The following FN3KRP variants were observed in gnomAD, a reference collection of about 807,000 sequenced individuals.
FN3KRP encodes the protein ketosamine-3-kinase.
Under a neutral mutation model 29.8 loss-of-function variants are expected in FN3KRP, and 33 were observed. That is an observed-to-expected ratio of 1.11 (90% CI 0.84 to 1.48). FN3KRP has a LOEUF of 1.48. Ranked by LOEUF, FN3KRP falls within the 40% of genes most tolerant of loss-of-function variation. The pLI is 0.00. For missense variants in FN3KRP, 430 were observed against 402.6 expected, an observed-to-expected ratio of 1.07 and a Z score of -0.58; for synonymous variants, 157 against 155.2, an observed-to-expected ratio of 1.01 and a Z score of -0.09.
rs981340698 is a variant in FN3KRP, at chr17:82,727,221, T to A, written c.*50T>A. The A allele has an allele frequency of 1.3e-6, 2 of 1,515,194 alleles. No homozygotes were observed. Among genetic ancestry groups the A allele is most frequent in the Non-Finnish European group, 1.8e-6 (2 of 1,112,804 alleles). 93.9% of individuals were successfully genotyped at this position (1,515,194 alleles called of 1,614,324 possible). The stretch of plus-strand genomic sequence containing the variant: ...CTCAGAGGTTTCTCCACAGTCCTCT[T>A]CTGGGCAAATTCTTGTTTCTTCACA... On this transcript the variant is annotated 3_prime_UTR_variant, in exon 6 of 6. Coordinates refer to ENST00000269373, the MANE Select transcript of FN3KRP (RefSeq NM_024619.4).
At chr17:82,720,169 AAAAT>A (rs1598332931) in intron 2 of FN3KRP, 99 bp from the exon 3 acceptor site, 2 of 886,654 alleles carry the variant, frequency 2.3e-6, no homozygotes, top group East Asian at 5.5e-5. Context: ...CCATCTCAAA[AAAAT>A]AAAAAAGTTT....
chr17:82,719,102 G>A, intron 2 of FN3KRP, 45 bp downstream of exon 2: 1 of 1,538,052 alleles, frequency 6.5e-7, no homozygotes, highest in Non-Finnish European at 8.9e-7. Flanking sequence ...TACCTGAGCA[G>A]GTGTGTCTTC....
rs1759813285 is a variant in FN3KRP at position 82,716,736 on chromosome 17, T to TCCGCGG, written c.-12_-7dup. ...GAGTCTCCGCCAGATCCGGGGCGGG[T>TCCGCGG]CCGCGGCCGCGGCGGGAACATGGAG... On this transcript the variant is annotated 5_prime_UTR_variant, in exon 1 of 6. Coordinates refer to ENST00000269373, the MANE Select transcript of FN3KRP (RefSeq NM_024619.4). The TCCGCGG allele has an allele frequency of 6.8e-7, 1 of 1,478,334 alleles. No homozygotes were observed. The highest frequency in any genetic ancestry group is 1.5e-5 in the African/African-American group (1 of 67,568). The allele number at this position is 1,478,334 out of a possible 1,614,324, so 91.6% of individuals were successfully genotyped here. A position where few individuals can be genotyped will look rare whatever the true frequency, so the allele number is the denominator to read the frequency against.
chr17:82,720,998 C>T (rs2046794610), intron 3 of FN3KRP: 1 of 152,292 alleles, frequency 6.6e-6, no homozygotes, highest in South Asian at 2.1e-4. Flanking sequence ...CCCAGGTCGC[C>T]TGTCCTGTCT....
rs747903966 is a variant in FN3KRP at position 82,718,993 on chromosome 17, C to T, written c.229C>T (p.Leu77=). Residue 77 remains leucine (L), a synonymous_variant, in exon 2 of 6, where the codon CTG becomes TTG. Transcript: ENST00000269373. ...GAAAGTGCCCAAGCCCATCAAGGTT[C>T]TGGATGCCCCAGGCGGCGGGAGCGT... The part of the protein sequence containing the change: ...TVKVPKPIKV[L]DAPGGGSVLV... 1.9e-6 allele frequency: 3 copies of T among 1,614,070 alleles called. No homozygotes were observed. The highest frequency in any genetic ancestry group is 1.7e-5 in the Admixed American group (1 of 59,996).
At chr17:82,721,693 A>G (rs1255508738) in intron 3 of FN3KRP, among the ~76,000 whole-genome samples, 5 of 151,134 alleles carry the variant, frequency 3.3e-5, no homozygotes, top group Admixed American at 2.0e-4. Flanking sequence ...TAGTAGAGAC[A>G]GGGTTTCACC....
intron 3 of FN3KRP, 103 bp from the exon 4 acceptor site, chr17:82,722,701 T>C: frequency 5.5e-6 from 6 of 1,081,312 alleles, no homozygotes; most frequent in Non-Finnish European, 8.3e-6. Context: ...GGGCATAAGC[T>C]GGTAGGAGCT....
intron 4 of FN3KRP, among the ~76,000 whole-genome samples, chr17:82,723,735 C>T (rs540150007): frequency 1.3e-5 from 2 of 151,858 alleles, no homozygotes; most frequent in East Asian, 3.9e-4. Context: ...GCGTCGTGTG[C>T]TACTCCAGTC....
Position 82,726,869 on chromosome 17 carries a change from A to T in FN3KRP, c.628A>T (p.Ile210Phe). 6.4e-7 allele frequency: 1 copy of T among 1,564,656 alleles called. No individual in the cohort carries two copies. The highest frequency in any genetic ancestry group is 1.7e-4 in the Middle Eastern group (1 of 5,794). ...TGACCTGTTCCGTGACCTGGAGATC[A>T]TCCCAGCCTTACTCCACGGGGACCT... ...IPDLFRDLEIIPALLHGDLWG... is the reference protein window; with the variant it reads ...IPDLFRDLEIFPALLHGDLWG... Residue 210 changes from isoleucine (I) to phenylalanine (F), a missense_variant, in exon 6 of 6, where the codon ATC becomes TTC. Coordinates refer to ENST00000269373, the MANE Select transcript of FN3KRP (RefSeq NM_024619.4).
intron 4 of FN3KRP, among the ~76,000 whole-genome samples, chr17:82,725,122 A>ATTTAGT (rs1399654468): frequency 2.6e-5 from 4 of 151,696 alleles, no homozygotes; most frequent in African/African-American, 9.7e-5. Flanking sequence ...AAAATTTAAA[A>ATTTAGT]TTTAGTTTTA....
intron 3 of FN3KRP, 77 bp downstream of exon 3, chr17:82,720,440 G>T (rs1353992916): frequency 4.2e-6 from 5 of 1,203,478 alleles, no homozygotes; most frequent in East Asian, 2.4e-5. Flanking sequence ...AGCGGGGGCC[G>T]TGCAGCAGCC....
At chr17:82,717,344 C>G (rs1017315358) in intron 1 of FN3KRP, among the ~76,000 whole-genome samples, 23 of 152,176 alleles carry the variant, frequency 1.5e-4, no homozygotes, top group Non-Finnish European at 3.2e-4. Flanking sequence ...TCGGTCAGTA[C>G]GTTGTGAAAC....
In FN3KRP at chr17:82,727,277, C is replaced by T; in HGVS notation, c.*106C>T. The T allele has an allele frequency of 1.0e-6, 1 of 996,530 alleles. No homozygotes were observed. Among genetic ancestry groups the T allele is most frequent in the Admixed American group, 2.4e-5 (1 of 42,070 alleles). The allele number at this position is 996,530 out of a possible 1,614,324, so 61.7% of individuals were successfully genotyped here. On this transcript the variant is annotated 3_prime_UTR_variant, in exon 6 of 6. Coordinates refer to ENST00000269373, the MANE Select transcript of FN3KRP (RefSeq NM_024619.4). ...GACTAGCTTAAGACCAATGCAGTAGCTTATTTCCAAGCCTTGCAAAGTATA... is the reference window on the plus strand; with the variant it reads ...GACTAGCTTAAGACCAATGCAGTAGTTTATTTCCAAGCCTTGCAAAGTATA...
Position 82,716,779 on chromosome 17 carries a change from G to C in FN3KRP, c.24G>C (p.Glu8Asp). The change falls in exon 1 of 6, where the codon GAG becomes GAC. Residue 8 changes from glutamate (E) to aspartate (D), a missense_variant. Transcript: ENST00000269373. ...ACATGGAGGAGCTCCTGAGGCGCGA[G>C]CTGGGCTGCAGCTCTGTCAGGGCCA... Reference protein sequence around the residue: MEELLRRELGCSSVRATG... With the variant: MEELLRRDLGCSSVRATG... 1 of 1,534,046 alleles carries C rather than the reference G, an allele frequency of 6.5e-7. No homozygotes were observed. Among genetic ancestry groups the C allele is most frequent in the Non-Finnish European group, 8.7e-7 (1 of 1,148,484 alleles).
At chr17:82,718,392 G>T in intron 1 of FN3KRP, 1 of 987,604 alleles carries the variant, frequency 1.0e-6, no homozygotes, top group Non-Finnish European at 1.2e-6. Context: ...TCAAGATGAG[G>T]TGGTTTCCAG....
At chr17:82,723,625 GTA>G (rs374073432) in intron 4 of FN3KRP, among the ~76,000 whole-genome samples, 28 of 152,092 alleles carry the variant, frequency 1.8e-4, no homozygotes, top group African/African-American at 5.8e-4. Context: ...GTGCATATGT[GTA>G]TGTGTGCACA....
intron 3 of FN3KRP, 87 bp downstream of exon 3, chr17:82,720,450 C>A: frequency 1.8e-6 from 2 of 1,082,600 alleles, no homozygotes; most frequent in Non-Finnish European, 2.7e-6. Flanking sequence ...GTGCAGCAGC[C>A]GTGGGAGGGT....
chr17:82,724,383 A>T (rs945422074), intron 4 of FN3KRP, among the ~76,000 whole-genome samples: 1 of 151,962 alleles, frequency 6.6e-6, no homozygotes, highest in Non-Finnish European at 1.5e-5. Context: ...AGGCGGGCAG[A>T]TCACGTGAGG....
In FN3KRP at chr17:82,726,653, CTGAGGT is replaced by C. The variant is rs2046839882; in HGVS notation, c.591+52_591+57del. 3 of 1,576,790 alleles carry C rather than the reference CTGAGGT, an allele frequency of 1.9e-6. No individual in the cohort carries two copies. The South Asian group carries it at 3.5e-5, about 19-fold the overall frequency. On this transcript the variant is annotated intron_variant, in intron 5 of 5. Transcript: ENST00000269373. ...AGCACCTGCCACACACCCCACTTGC[CTGAGGT>C]AGGGGAGGCACCAAGGCAGGTGAGG... is the stretch of plus-strand genomic sequence containing the variant.
Sources: gnomAD v4.1 joint callset for allele counts (sites outside exome capture counted in the v4.1 genomes callset) on GRCh38, gnomAD v4.1.1 for gene constraint, MANE v1.5 for transcripts, NCBI Gene and HGNC (gene_info 2026-07-23, HGNC 2026-07-21) for gene names.